The following AK3 variants were observed in gnomAD, a reference collection of about 807,000 sequenced individuals.
The protein encoded by AK3 is GTP:AMP phosphotransferase AK3, mitochondrial.
AK3 carries 27 observed loss-of-function variants against 23.7 expected under a neutral mutation model. The ratio of observed to expected loss-of-function variants is 1.14; its 90% CI spans 0.84 to 1.57. AK3 has a LOEUF of 1.57. Ranked by LOEUF, AK3 falls within the 40% of genes most tolerant of loss-of-function variation. The pLI is 0.00. For synonymous variants in AK3, 159 were observed against 116.0 expected (o/e 1.37, Z -2.38); for missense variants, 406 against 285.6 (o/e 1.42, Z -3.04).
chr9:4,741,512 C>A (rs1217122869), upstream of AK3, among the ~76,000 whole-genome samples: 1 of 151,898 alleles, frequency 6.6e-6, no homozygotes, highest in East Asian at 1.9e-4. Flanking sequence ...CCGCGCCTCT[C>A]CGCGACCCCG....
rs1842415368 is a variant in AK3, at chr9:4,740,945, C to T, written c.143G>A (p.Arg48Gln). 3 of 1,569,348 alleles carry T rather than the reference C, an allele frequency of 1.9e-6. No individual in the cohort carries two copies. The highest frequency in any genetic ancestry group is 2.6e-6 in the Non-Finnish European group (3 of 1,160,000). ...SGDLLRDNML[R>Q]GTEIGVLAKA... ...GGGCCCAGAGCTCCCACCTGTGCCC[C>T]GCAGCATGTTGTCCCGGAGCAGGTC... The change falls in exon 1 of 5, where the codon CGG becomes CAG. Residue 48 changes from arginine (R) to glutamine (Q), a missense_variant. By Grantham distance (43) the Arg-to-Gln change is conservative. Transcript: ENST00000381809.
chr9:4,741,784 C>CA (rs1554629307), upstream of AK3: 2 of 152,724 alleles, frequency 1.3e-5, no homozygotes, highest in Non-Finnish European at 2.9e-5. Flanking sequence ...GCCCCACCTC[C>CA]ACCTGGCGCC....
chr9:4,724,121 A>C (rs1841967070), intron 1 of AK3, among the ~76,000 whole-genome samples: 1 of 152,196 alleles, frequency 6.6e-6, no homozygotes, highest in Non-Finnish European at 1.5e-5. Flanking sequence ...TGCAGACTGC[A>C]CTTAGAAGAG....
chr9:4,717,975 C>G (rs951585233), intron 4 of AK3, among the ~76,000 whole-genome samples: 1 of 152,220 alleles, frequency 6.6e-6, no homozygotes. Flanking sequence ...ACCCCAATGA[C>G]TGGTTCTGCA....
chr9:4,741,054 T>A lies in AK3; in HGVS notation c.34A>T (p.Ile12Phe), dbSNP rs1191421338. 19 of 1,566,980 alleles carry A rather than the reference T, an allele frequency of 1.2e-5. No homozygotes were observed. Among genetic ancestry groups the A allele is most frequent in the Non-Finnish European group, 1.6e-5 (19 of 1,159,216 alleles). ...GASARLLRAV[I>F]MGAPGSGKGT... is the part of the protein sequence containing the mutation. ...TTGCCCGAGCCCGGGGCCCCCATGA[T>A]CACCGCTCGCAGCAGCCGCGCGGAC... The change falls in exon 1 of 5, where the codon ATC becomes TTC. Residue 12 changes from isoleucine to phenylalanine, a missense_variant. Coordinates refer to ENST00000381809, the MANE Select transcript of AK3 (RefSeq NM_016282.4).
At chr9:4,730,041 C>A (rs410951) in intron 1 of AK3, among the ~76,000 whole-genome samples, 12,693 of 152,048 alleles carry the variant, frequency 0.083, 625 homozygotes, top group African/African-American at 0.13. Context: ...CATAGATGAA[C>A]CTTCAAACAT....
chr9:4,729,127 C>G (rs1842095150), intron 1 of AK3, among the ~76,000 whole-genome samples: 1 of 151,288 alleles, frequency 6.6e-6, no homozygotes. Context: ...TCTCCTGCCT[C>G]CACCTCCTGA....
rs147707675 is a variant in AK3 at position 4,730,324 on chromosome 9, T to G, written c.152-7699A>C. Among the ~76,000 whole-genome samples the G allele has an allele frequency of 2.0e-5, 3 of 152,312 alleles. No homozygotes were observed. In the East Asian group the frequency reaches 5.8e-4, roughly 29 times the overall value. On this transcript the variant is annotated intron_variant, in intron 1 of 4. Transcript: ENST00000381809. ...ATACACTTTACAAGGGCTAATTGTA[T>G]GGTATGTGAATTAAATCTCAATACA...
chr9:4,723,259 T>C (rs1841947053), intron 1 of AK3, among the ~76,000 whole-genome samples: 1 of 152,236 alleles, frequency 6.6e-6, no homozygotes. Flanking sequence ...TTTTCTGTAT[T>C]TTCTACCAGA....
chr9:4,717,024 T>C (rs557265110), intron 4 of AK3, among the ~76,000 whole-genome samples: 26 of 152,210 alleles, frequency 1.7e-4, no homozygotes, highest in Non-Finnish European at 3.4e-4. Flanking sequence ...ATAGCTAACA[T>C]TTCTATAGTG....
At chr9:4,716,080 A>G (rs2130873473) in intron 4 of AK3, among the ~76,000 whole-genome samples, 1 of 152,316 alleles carries the variant, frequency 6.6e-6, no homozygotes, top group Non-Finnish European at 1.5e-5. Context: ...AATGGAGCGG[A>G]GTGACTGACG....
At chr9:4,739,765 A>G (rs1842380841) in intron 1 of AK3, among the ~76,000 whole-genome samples, 1 of 152,042 alleles carries the variant, frequency 6.6e-6, no homozygotes, top group Admixed American at 6.6e-5. Flanking sequence ...CCCCATCGCT[A>G]CTAAAAATAC....
At chr9:4,737,591 G>C (rs921283658) in intron 1 of AK3, among the ~76,000 whole-genome samples, 1 of 152,142 alleles carries the variant, frequency 6.6e-6, no homozygotes, top group Non-Finnish European at 1.5e-5. Context: ...GTGCAAGCCT[G>C]TAGTCCCAGC....
In AK3 at chr9:4,725,019, C is replaced by CT. The variant is rs1491310710; in HGVS notation, c.152-2395dup. 5.2e-4 allele frequency among the ~76,000 whole-genome samples: 28 copies of CT among 53,344 alleles called. 1 individual carries two copies. Among genetic ancestry groups the CT allele is most frequent in the Admixed American group, 1.2e-3 (5 of 4,002 alleles). The allele number at this position is 53,344 out of a possible 152,430, so 35.0% of individuals were successfully genotyped here. A position where few individuals can be genotyped will look rare whatever the true frequency, so the allele number is the denominator to read the frequency against. On this transcript the variant is annotated intron_variant, in intron 1 of 4. Coordinates refer to ENST00000381809, the MANE Select transcript of AK3 (RefSeq NM_016282.4). ...AAATGTAAGTGCTAAAGCTACTAAACTCTTTTTTTTTTTTTTTTTTGAGAT... is the reference window on the plus strand; with the variant it reads ...AAATGTAAGTGCTAAAGCTACTAAACTTCTTTTTTTTTTTTTTTTTTGAGAT...
In AK3 at chr9:4,740,977, G is replaced by A. The variant is rs767572914; in HGVS notation, c.111C>T (p.Ser37=). The A allele has an allele frequency of 1.9e-6, 3 of 1,589,092 alleles. No homozygotes were observed. Among genetic ancestry groups the A allele is most frequent in the Middle Eastern group, 1.8e-4 (1 of 5,642 alleles). ...ITTHFELKHL[S]SGDLLRDNML... The stretch of plus-strand genomic sequence containing the variant: ...TGTTGTCCCGGAGCAGGTCCCCGCT[G>A]GAGAGGTGCTTCAGCTCGAAGTGTG... Residue 37 remains serine (S), a synonymous_variant, in exon 1 of 5, where the codon TCC becomes TCT. Transcript: ENST00000381809.
intron 1 of AK3, among the ~76,000 whole-genome samples, chr9:4,727,063 A>G (rs1243876879): frequency 6.6e-6 from 1 of 152,226 alleles, no homozygotes; most frequent in African/African-American, 2.4e-5. Flanking sequence ...TCAAATAGTC[A>G]GTAAACCATG....
chr9:4,722,695 GTT>G, intron 1 of AK3, 70 bp from the exon 2 acceptor site: 1 of 1,596,630 alleles, frequency 6.3e-7, no homozygotes, highest in Non-Finnish European at 8.6e-7. Context: ...CTCGGAACGA[GTT>G]GCCTAAAGGG....
intron 1 of AK3, among the ~76,000 whole-genome samples, chr9:4,734,483 C>T (rs1440955922): frequency 2.6e-5 from 4 of 152,228 alleles, no homozygotes; most frequent in African/African-American, 4.8e-5. Flanking sequence ...AAAGGATCCA[C>T]GGATAGTTGC....
At chr9:4,732,452 C>A (rs1278696515) in intron 1 of AK3, among the ~76,000 whole-genome samples, 1 of 152,070 alleles carries the variant, frequency 6.6e-6, no homozygotes, top group Non-Finnish European at 1.5e-5. Flanking sequence ...CAGCCCTAAC[C>A]CCAAAGTTGT....
Sources: gnomAD v4.1 joint callset for allele counts (sites outside exome capture counted in the v4.1 genomes callset) on GRCh38, gnomAD v4.1.1 for gene constraint, MANE v1.5 for transcripts, NCBI Gene and HGNC (gene_info 2026-07-23, HGNC 2026-07-21) for gene names.